INSIG2: variants seen among roughly 807,000 people sequenced by gnomAD.
INSIG2 encodes the protein insulin-induced gene 2 protein.
In INSIG2, 10 loss-of-function variants were observed where a neutral mutation model predicts 27.2. The observed-to-expected ratio is 0.37, with a 90% CI of 0.23 to 0.62. The LOEUF (loss-of-function observed/expected upper bound fraction) is 0.62, where lower values mean the gene tolerates loss of function less well. Ranked by LOEUF, INSIG2 falls within the 20% of genes least tolerant of loss-of-function variation. The pLI, the probability that INSIG2 is intolerant of heterozygous loss-of-function variation, is 0.65. For missense variants in INSIG2, 178 were observed against 270.2 expected, an observed-to-expected ratio of 0.66 and a Z score of 2.39; for synonymous variants, 97 against 95.8, an observed-to-expected ratio of 1.01 and a Z score of -0.07.
At chr2:118,106,566 T>C (rs1678677275) in intron 3 of INSIG2, 171 bp from the exon 4 acceptor site, 1 of 565,474 alleles carries the variant, frequency 1.8e-6, no homozygotes, top group Admixed American at 3.2e-5. Context: ...GGGTAAATAC[T>C]GGAGACAGTT....
At chr2:118,091,959 TG>T (rs1191225013) in intron 1 of INSIG2, among the ~76,000 whole-genome samples, 1 of 152,192 alleles carries the variant, frequency 6.6e-6, no homozygotes, top group Non-Finnish European at 1.5e-5. Context: ...CTAAATGTTT[TG>T]CAATGCTTAG....
chr2:118,090,166 T>C (rs1558830850), intron 1 of INSIG2, among the ~76,000 whole-genome samples: 1 of 152,290 alleles, frequency 6.6e-6, no homozygotes, highest in East Asian at 1.9e-4. Context: ...TGATGAAAAA[T>C]ATGTGAGGTA....
chr2:118,092,800 AATG>A (rs201013369), intron 1 of INSIG2, among the ~76,000 whole-genome samples: 4,902 of 151,062 alleles, frequency 0.032, 28 homozygotes, highest in Middle Eastern at 0.045. Context: ...TATAAAGAAT[AATG>A]ATGATGATGA....
intron 2 of INSIG2, chr2:118,102,730 T>TAAAA (rs1678577125): frequency 1.3e-5 from 2 of 158,718 alleles, no homozygotes; most frequent in African/African-American, 4.8e-5. Flanking sequence ...ATGAGCTTGT[T>TAAAA]GTATACTTTT....
intron 3 of INSIG2, among the ~76,000 whole-genome samples, chr2:118,104,675 A>G (rs1452375649): frequency 1.3e-5 from 2 of 152,230 alleles, no homozygotes; most frequent in African/African-American, 4.8e-5. Context: ...ATACTGCGAC[A>G]TTGCAGCAGA....
intron 5 of INSIG2, among the ~76,000 whole-genome samples, chr2:118,108,057 TCTTG>T (rs1678717044): frequency 6.6e-6 from 1 of 152,210 alleles, no homozygotes; most frequent in Non-Finnish European, 1.5e-5. Context: ...CTCATCTTTC[TCTTG>T]CTTTTGGCTG....
intron 1 of INSIG2, among the ~76,000 whole-genome samples, chr2:118,094,389 G>GATGATGATGATGATGATGATGAT (rs58844046): frequency 1.1e-4 from 17 of 148,154 alleles, no homozygotes; most frequent in African/African-American, 3.8e-4. Flanking sequence ...TGATGATGAT[G>GATGATGATGATGATGATGATGAT]GAGAGTTCTG....
In INSIG2 at chr2:118,109,371, T is replaced by A. The variant is rs765304555; in HGVS notation, c.*1049T>A. Reference sequence around the variant, plus strand: ...TCTTACATGCAGTCTTGGGGGTGGATGAATACATAATTTCTCATGTATTCG... The same window carrying A: ...TCTTACATGCAGTCTTGGGGGTGGAAGAATACATAATTTCTCATGTATTCG... On this transcript the variant is annotated 3_prime_UTR_variant, in exon 6 of 6. Transcript: ENST00000245787. The A allele has an allele frequency of 6.6e-6, 1 of 152,234 alleles. No individual in the cohort carries two copies. The highest frequency in any genetic ancestry group is 1.5e-5 in the Non-Finnish European group (1 of 68,044). The allele number at this position is 152,234 out of a possible 1,614,324, so 9.4% of individuals were successfully genotyped here.
chr2:118,100,740 G>C (rs763008690), intron 2 of INSIG2, among the ~76,000 whole-genome samples: 2 of 152,146 alleles, frequency 1.3e-5, no homozygotes, highest in Admixed American at 1.3e-4. Flanking sequence ...TTAAGTATTT[G>C]TTGAAGGAAA....
intron 5 of INSIG2, among the ~76,000 whole-genome samples, chr2:118,107,525 G>A (rs764199919): frequency 4.6e-5 from 7 of 152,166 alleles, no homozygotes; most frequent in Non-Finnish European, 8.8e-5. Context: ...CTACTAATAA[G>A]TGTGTTGCTA....
chr2:118,107,057 C>G (rs748004451), intron 4 of INSIG2, 33 bp from the exon 5 acceptor site: 1 of 1,499,052 alleles, frequency 6.7e-7, no homozygotes, highest in Non-Finnish European at 9.3e-7. Context: ...TGCAGTTCCT[C>G]TGTGGGTATT....
At chr2:118,107,734 C>G (rs942001168) in intron 5 of INSIG2, among the ~76,000 whole-genome samples, 1 of 152,048 alleles carries the variant, frequency 6.6e-6, no homozygotes, top group Non-Finnish European at 1.5e-5. Flanking sequence ...AATAGCCAAC[C>G]AATTATCTTA....
intron 2 of INSIG2, among the ~76,000 whole-genome samples, chr2:118,097,186 G>T (rs1333668667): frequency 1.3e-5 from 2 of 152,010 alleles, no homozygotes; most frequent in Non-Finnish European, 2.9e-5. Context: ...TATCTGTCCT[G>T]TAAACTTTTA....
intron 1 of INSIG2, among the ~76,000 whole-genome samples, chr2:118,095,713 C>T (rs936585857): frequency 6.6e-6 from 1 of 152,162 alleles, no homozygotes; most frequent in Non-Finnish European, 1.5e-5. Flanking sequence ...TCTTTTGCTT[C>T]GTCCTCCAGC....
intron 2 of INSIG2, among the ~76,000 whole-genome samples, chr2:118,097,032 C>G (rs1678424316): frequency 6.6e-6 from 1 of 152,212 alleles, no homozygotes; most frequent in Non-Finnish European, 1.5e-5. Flanking sequence ...CCTCCAGAGT[C>G]TCTCGTGTCC....
intron 1 of INSIG2, among the ~76,000 whole-genome samples, chr2:118,090,105 A>T (rs1558830828): frequency 6.6e-6 from 1 of 152,170 alleles, no homozygotes; most frequent in Non-Finnish European, 1.5e-5. Flanking sequence ...TTTTTTTCTA[A>T]TGTTAGTGCT....
rs72489038 is a variant in INSIG2 at position 118,093,209 on chromosome 2, AGATGATGATGATGAT to A, written c.-138-3184_-138-3170del. 2.0e-3 allele frequency among the ~76,000 whole-genome samples: 16 copies of A among 8,200 alleles called. 2 individuals carry two copies. In the South Asian group the frequency reaches 0.036, roughly 18 times the overall value. 5.4% of individuals were successfully genotyped at this position (8,200 alleles called of 152,430 possible). A position where few individuals can be genotyped will look rare whatever the true frequency, so the allele number is the denominator to read the frequency against. ...CTACTGAACCTTGCCAAAAGCAACC[AGATGATGATGATGAT>A]GATGATGATGATGATGATGATGATG... On this transcript the variant is annotated intron_variant, in intron 1 of 5. Transcript: ENST00000245787.
intron 1 of INSIG2, among the ~76,000 whole-genome samples, chr2:118,095,883 C>T (rs562220837): frequency 2.0e-5 from 3 of 152,156 alleles, no homozygotes; most frequent in South Asian, 4.2e-4. Context: ...TGTTTTTGTG[C>T]GGATAACCAA....
chr2:118,089,758 C>T (rs1678182567), intron 1 of INSIG2, among the ~76,000 whole-genome samples: 2 of 152,192 alleles, frequency 1.3e-5, no homozygotes, highest in Admixed American at 1.3e-4. Context: ...GTTTAACTGA[C>T]AACTGTTGCT....
Sources: gnomAD v4.1 joint callset for allele counts (sites outside exome capture counted in the v4.1 genomes callset) on GRCh38, gnomAD v4.1.1 for gene constraint, MANE v1.5 for transcripts, NCBI Gene and HGNC (gene_info 2026-07-23, HGNC 2026-07-21) for gene names.